Variants in MEGF10 observed in about 807,000 individuals in gnomAD.
MEGF10 encodes the protein multiple EGF like domains 10, also known as multiple epidermal growth factor-like domains protein 10.
Under a neutral mutation model 147.5 loss-of-function variants are expected in MEGF10, and 86 were observed. The ratio of observed to expected loss-of-function variants is 0.58; its 90% CI spans 0.49 to 0.70. The LOEUF is 0.70. Ranked by LOEUF, MEGF10 falls within the 30% of genes least tolerant of loss-of-function variation. The pLI is 0.00. For missense variants in MEGF10, 1,329 were observed against 1,487.3 expected, an observed-to-expected ratio of 0.89 and a Z score of 1.75; for synonymous variants, 478 against 525.5, an observed-to-expected ratio of 0.91 and a Z score of 1.24.
chr5:127,416,030 TTTTTGG>T (rs777635200), intron 9 of MEGF10, among the ~76,000 whole-genome samples: 9,610 of 151,320 alleles, frequency 0.064, 367 homozygotes, highest in Middle Eastern at 0.09. Context: ...TTTGTTTTTG[TTTTTGG>T]TTTTGTTTTT....
Position 127,422,711 on chromosome 5 carries a change from C to T in MEGF10, c.1632C>T (p.Cys544=). 1.2e-6 allele frequency: 2 copies of T among 1,614,072 alleles called. No homozygotes were observed. The highest frequency in any genetic ancestry group is 1.7e-6 in the Non-Finnish European group (2 of 1,179,980). The change falls in exon 13 of 25, where the codon TGC becomes TGT. Residue 544 remains cysteine (C), a synonymous_variant. Coordinates refer to ENST00000503335, the MANE Select transcript of MEGF10 (RefSeq NM_001256545.2). ...YGLNCAERCD[C]SHADGCHPTT... ...TGAACTGTGCTGAGCGCTGCGACTG[C>T]AGCCACGCAGATGGCTGCCACCCTA...
At chr5:127,288,929 A>T (rs920519597), upstream of MEGF10, among the ~76,000 whole-genome samples, 2 of 152,234 alleles carry the variant, frequency 1.3e-5, no homozygotes, top group Admixed American at 1.3e-4. Flanking sequence ...GCACAACATT[A>T]ATGAGTTTCA....
intron 2 of MEGF10, among the ~76,000 whole-genome samples, chr5:127,333,121 TAAA>T (rs928642981): frequency 6.6e-6 from 1 of 152,084 alleles, no homozygotes; most frequent in African/African-American, 2.4e-5. Context: ...AAAATCAGTT[TAAA>T]ATATGGGCCT....
intron 20 of MEGF10, 106 bp from the exon 21 acceptor site, chr5:127,447,446 GGATTA>G: frequency 6.9e-7 from 1 of 1,448,112 alleles, no homozygotes; most frequent in East Asian, 2.4e-5. Context: ...CAAAGTGCTG[GGATTA>G]CAGGCGTGAG....
chr5:127,296,586 C>G lies in MEGF10; in HGVS notation c.-19+5530C>G, dbSNP rs61309227. Among the ~76,000 whole-genome samples the G allele has an allele frequency of 9.2e-5, 14 of 152,324 alleles. No individual in the cohort carries two copies. In the East Asian group the frequency reaches 2.3e-3, roughly 25 times the overall value. ...AAGTGCCTTGTCATTAATGTCTCAT[C>G]TGACCCAGATGAGCTGTACAGATTT... On this transcript the variant is annotated intron_variant, in intron 1 of 24. Transcript: ENST00000503335.
upstream of MEGF10, among the ~76,000 whole-genome samples, chr5:127,288,061 A>G (rs1759085475): frequency 6.6e-6 from 1 of 152,066 alleles, no homozygotes; most frequent in Non-Finnish European, 1.5e-5. Context: ...ACAATAATGA[A>G]CCTCAGCCCT....
At chr5:127,387,031 G>C (rs1763460103) in intron 5 of MEGF10, among the ~76,000 whole-genome samples, 1 of 152,252 alleles carries the variant, frequency 6.6e-6, no homozygotes, top group Non-Finnish European at 1.5e-5. Flanking sequence ...AATGTAAAGA[G>C]GCTACAGTCC....
chr5:127,335,527 G>A (rs944624163), intron 2 of MEGF10, among the ~76,000 whole-genome samples: 3 of 152,110 alleles, frequency 2.0e-5, no homozygotes, highest in African/African-American at 4.8e-5. Context: ...CAAACACATC[G>A]CTTCCAGAAA....
the MEGF10 span, among the ~76,000 whole-genome samples, chr5:127,273,101 T>G: frequency 6.6e-6 from 1 of 152,170 alleles, no homozygotes; most frequent in Non-Finnish European, 1.5e-5. Context: ...TATGTAAAGC[T>G]CCCAGGTCTT....
At chr5:127,454,905 A>T (rs1409414300) in intron 23 of MEGF10, among the ~76,000 whole-genome samples, 1 of 152,128 alleles carries the variant, frequency 6.6e-6, no homozygotes, top group Non-Finnish European at 1.5e-5. Context: ...ATATAAAGGG[A>T]AATAGCCGGG....
At chr5:127,421,895 A>G (rs1765019733) in intron 12 of MEGF10, among the ~76,000 whole-genome samples, 1 of 147,846 alleles carries the variant, frequency 6.8e-6, no homozygotes, top group Non-Finnish European at 1.5e-5. Context: ...ATAAATAGGC[A>G]GGAGAATGGT....
intron 4 of MEGF10, among the ~76,000 whole-genome samples, chr5:127,346,939 T>A (rs565664426): frequency 6.6e-6 from 1 of 152,120 alleles, no homozygotes; most frequent in African/African-American, 2.4e-5. Flanking sequence ...ATATTTTATA[T>A]ATATCTTATA....
chr5:127,247,360 A>G, the MEGF10 span, among the ~76,000 whole-genome samples: 5,456 of 12,812 alleles, frequency 0.43, 592 homozygotes, highest in Admixed American at 0.48. Flanking sequence ...GAAGAAGAAG[A>G]AGAAGAAGAA....
intron 5 of MEGF10, among the ~76,000 whole-genome samples, chr5:127,394,582 G>T (rs899968446): frequency 1.2e-4 from 19 of 152,288 alleles, no homozygotes; most frequent in Admixed American, 1.1e-3. Context: ...TGGGGTAGCT[G>T]AGATCAAAAG....
At chr5:127,439,603 T>C (rs1235213795) in intron 17 of MEGF10, among the ~76,000 whole-genome samples, 3 of 152,226 alleles carry the variant, frequency 2.0e-5, no homozygotes, top group South Asian at 4.1e-4. Context: ...TAGAGAAAGG[T>C]ACTTGTAAGA....
chr5:127,233,578 T>A, the MEGF10 span, among the ~76,000 whole-genome samples: 1 of 152,208 alleles, frequency 6.6e-6, no homozygotes, highest in Non-Finnish European at 1.5e-5. Context: ...ATCCTTCATA[T>A]GCTTAACTGG....
intron 1 of MEGF10, among the ~76,000 whole-genome samples, chr5:127,294,393 C>G (rs1427451059): frequency 6.6e-6 from 1 of 152,132 alleles, no homozygotes; most frequent in Admixed American, 6.5e-5. Context: ...GAATGATAGT[C>G]AACATTTTCT....
At chr5:127,296,688 C>T (rs1417662872) in intron 1 of MEGF10, among the ~76,000 whole-genome samples, 1 of 152,098 alleles carries the variant, frequency 6.6e-6, no homozygotes, top group African/African-American at 2.4e-5. Flanking sequence ...AGAATTTTGG[C>T]TTTCTTAAAA....
chr5:127,268,216 A>G, the MEGF10 span, among the ~76,000 whole-genome samples: 4 of 152,188 alleles, frequency 2.6e-5, no homozygotes, highest in African/African-American at 7.2e-5. Context: ...GTTTCCAGGT[A>G]GTTGAGCAGT....
Sources: allele counts gnomAD v4.1 joint callset (sites outside exome capture counted in the v4.1 genomes callset), GRCh38; gene constraint gnomAD v4.1.1; transcripts MANE v1.5; gene names NCBI Gene and HGNC (gene_info 2026-07-23, HGNC 2026-07-21).